Variants in MEGF11 observed in about 807,000 individuals in gnomAD.
MEGF11 encodes the protein multiple EGF like domains 11, also known as multiple epidermal growth factor-like domains protein 11.
A neutral mutation model predicts 146.6 loss-of-function variants in MEGF11; 126 were observed. The ratio of observed to expected loss-of-function variants is 0.86; its 90% CI spans 0.74 to 1.00. The LOEUF (loss-of-function observed/expected upper bound fraction) is 1.00, where lower values mean the gene tolerates loss of function less well. MEGF11 is among the 50% of genes least tolerant of loss of function. The pLI is 0.00. For synonymous variants in MEGF11, 532 were observed against 583.4 expected (o/e 0.91, Z 1.27); for missense variants, 1,509 against 1,521.2 (o/e 0.99, Z 0.13).
intron 5 of MEGF11, among the ~76,000 whole-genome samples, chr15:66,088,597 G>A (rs1231976106): frequency 6.6e-6 from 1 of 151,952 alleles, no homozygotes; most frequent in Non-Finnish European, 1.5e-5. Context: ...GGAGGGTGCA[G>A]TGAACCGAGA....
At chr15:66,165,702 T>A (rs918679659) in intron 1 of MEGF11, among the ~76,000 whole-genome samples, 29 of 151,974 alleles carry the variant, frequency 1.9e-4, no homozygotes, top group African/African-American at 6.3e-4. Flanking sequence ...CCCAGGCAGG[T>A]GGGGGACTTA....
chr15:66,024,158 C>G (rs148513901), intron 5 of MEGF11, among the ~76,000 whole-genome samples: 25 of 152,358 alleles, frequency 1.6e-4, no homozygotes, highest in African/African-American at 5.3e-4. Context: ...TCTCTGTACT[C>G]CTGGTACCCA....
intron 5 of MEGF11, among the ~76,000 whole-genome samples, chr15:66,053,514 C>T (rs144363832): frequency 6.6e-6 from 1 of 152,130 alleles, no homozygotes; most frequent in East Asian, 1.9e-4. Flanking sequence ...CCCAACCCAA[C>T]AGCAGTTTTC....
intron 1 of MEGF11, among the ~76,000 whole-genome samples, chr15:66,175,957 A>G (rs182937424): frequency 1.5e-4 from 22 of 151,266 alleles, no homozygotes; most frequent in Non-Finnish European, 1.9e-4. Flanking sequence ...AAGGCACTCA[A>G]CAACAACAAC....
intron 5 of MEGF11, among the ~76,000 whole-genome samples, chr15:66,072,627 T>C (rs529995293): frequency 6.6e-6 from 1 of 152,230 alleles, no homozygotes; most frequent in African/African-American, 2.4e-5. Flanking sequence ...AATGAATGAA[T>C]GTAATCAGTG....
chr15:66,012,092 G>A (rs1192289866), intron 5 of MEGF11, among the ~76,000 whole-genome samples: 1 of 151,710 alleles, frequency 6.6e-6, no homozygotes, highest in African/African-American at 2.4e-5. Context: ...GCCAGGCGTG[G>A]TGGCACATAC....
intron 1 of MEGF11, among the ~76,000 whole-genome samples, chr15:66,246,604 A>G (rs1319415319): frequency 6.6e-6 from 1 of 152,014 alleles, no homozygotes; most frequent in Non-Finnish European, 1.5e-5. Context: ...GGAGTTCAGG[A>G]CACTAGCCTG....
intron 25 of MEGF11, chr15:65,898,373 A>G (rs1238397518): frequency 1.0e-6 from 1 of 985,306 alleles, no homozygotes; most frequent in Non-Finnish European, 1.2e-6. Flanking sequence ...AGAAGGTAGA[A>G]GGTGATTTAG....
chr15:65,955,800 A>ATG (rs2080602882), intron 10 of MEGF11, among the ~76,000 whole-genome samples: 1 of 56,036 alleles, frequency 1.8e-5, no homozygotes, highest in African/African-American at 5.9e-5. Context: ...ATATACACAC[A>ATG]CACACACACA....
chr15:65,959,270 T>A (rs1373805841), intron 9 of MEGF11, among the ~76,000 whole-genome samples: 1 of 152,202 alleles, frequency 6.6e-6, no homozygotes. Flanking sequence ...AGAAAATTAA[T>A]TAATGAGCAA....
rs73481636 is a variant in MEGF11 at position 65,999,562 on chromosome 15, C to T, written c.395-17074G>A. 9.4e-4 allele frequency among the ~76,000 whole-genome samples: 143 copies of T among 152,198 alleles called. 1 individual carries two copies. Among genetic ancestry groups the T allele is most frequent in the African/African-American group, 3.3e-3 (139 of 41,514 alleles). On this transcript the variant is annotated intron_variant, in intron 5 of 25. Transcript: ENST00000395614. ...AATCACACAGACCTGGGTTCAAATC[C>T]CACCTCTGCCTCTTACCACCCATAT... is the stretch of plus-strand genomic sequence containing the variant.
chr15:66,072,963 G>T (rs1210014470), intron 5 of MEGF11, among the ~76,000 whole-genome samples: 1 of 152,218 alleles, frequency 6.6e-6, no homozygotes, highest in Non-Finnish European at 1.5e-5. Context: ...TAAGAAATCG[G>T]CCAGGGCTGA....
chr15:66,163,167 G>A (rs1426423688), intron 1 of MEGF11, among the ~76,000 whole-genome samples: 1 of 152,194 alleles, frequency 6.6e-6, no homozygotes, highest in African/African-American at 2.4e-5. Context: ...GGGGGAATCT[G>A]GAGCTCCTGT....
intron 10 of MEGF11, among the ~76,000 whole-genome samples, chr15:65,953,253 C>A (rs1441430440): frequency 1.3e-5 from 2 of 152,200 alleles, no homozygotes; most frequent in Admixed American, 1.3e-4. Flanking sequence ...TTCTCATAAG[C>A]AAAGTCTTGT....
At chr15:66,244,193 T>C (rs1260358312) in intron 1 of MEGF11, among the ~76,000 whole-genome samples, 1 of 152,080 alleles carries the variant, frequency 6.6e-6, no homozygotes, top group Admixed American at 6.6e-5. Flanking sequence ...ACCTCATCTC[T>C]CCCGCAGTAA....
chr15:65,944,147 G>A (rs1302281897), intron 10 of MEGF11, among the ~76,000 whole-genome samples: 1 of 152,216 alleles, frequency 6.6e-6, no homozygotes. Context: ...ATAGGCTGGG[G>A]GTTAGGAGGT....
At chr15:66,227,080 C>G (rs1182567658) in intron 1 of MEGF11, among the ~76,000 whole-genome samples, 2 of 152,212 alleles carry the variant, frequency 1.3e-5, no homozygotes, top group African/African-American at 4.8e-5. Context: ...TTCTGAAAGA[C>G]ATCTCTGAGG....
chr15:66,181,880 A>T (rs1338397170), intron 1 of MEGF11, among the ~76,000 whole-genome samples: 1 of 152,156 alleles, frequency 6.6e-6, no homozygotes, highest in East Asian at 1.9e-4. Flanking sequence ...CATGAATACT[A>T]ATCTGTTTGC....
intron 1 of MEGF11, among the ~76,000 whole-genome samples, chr15:66,183,483 G>A (rs556082544): frequency 6.7e-6 from 1 of 148,298 alleles, no homozygotes; most frequent in South Asian, 2.1e-4. Context: ...CTGGGCAACA[G>A]AGCAAGATTC....
Sources: gnomAD v4.1 joint callset for allele counts (sites outside exome capture counted in the v4.1 genomes callset) on GRCh38, gnomAD v4.1.1 for gene constraint, MANE v1.5 for transcripts, NCBI Gene and HGNC (gene_info 2026-07-23, HGNC 2026-07-21) for gene names.